CACNA1D: variants seen among roughly 807,000 people sequenced by gnomAD.
CACNA1D encodes voltage-dependent L-type calcium channel subunit alpha-1D.
In CACNA1D, 55 loss-of-function variants were observed where a neutral mutation model predicts 257.1. That is an observed-to-expected ratio of 0.21 (90% CI 0.17 to 0.27). The LOEUF (loss-of-function observed/expected upper bound fraction) is 0.27. Among genes scored for constraint, CACNA1D ranks in the 10% least tolerant of loss-of-function variants. CACNA1D has a pLI of 1.00. For missense variants in CACNA1D, 1,876 were observed against 2,784.0 expected, an observed-to-expected ratio of 0.67 and a Z score of 7.34; for synonymous variants, 980 against 1,014.9, an observed-to-expected ratio of 0.97 and a Z score of 0.65.
At chr3:53,806,802 C>G (rs912459967) in intron 45 of CACNA1D, among the ~76,000 whole-genome samples, 2 of 152,172 alleles carry the variant, frequency 1.3e-5, no homozygotes, top group Non-Finnish European at 2.9e-5. Flanking sequence ...TGAACACATG[C>G]AGCTAAATGA....
In CACNA1D at chr3:53,774,513, GT is replaced by G; in HGVS notation, c.4111-72del. 2 of 901,622 alleles carry G rather than the reference GT, an allele frequency of 2.2e-6. No individual in the cohort carries two copies. Among genetic ancestry groups the G allele is most frequent in the Non-Finnish European group, 3.8e-6 (2 of 532,256 alleles). The allele number at this position is 901,622 out of a possible 1,614,324, so 55.9% of individuals were successfully genotyped here. On this transcript the variant is annotated intron_variant, in intron 33 of 47. Transcript: ENST00000350061. The surrounding 1 kb of genome is among the most constrained non-coding windows in gnomAD (Gnocchi z 4.3). ...GCTGGTAAAGATCAAACCTGAGTTA[GT>G]TCTAAATTCACATACGGATTTTTTT...
At chr3:53,683,311 T>C (rs1290953866) in intron 8 of CACNA1D, among the ~76,000 whole-genome samples, 1 of 152,150 alleles carries the variant, frequency 6.6e-6, no homozygotes, top group Admixed American at 6.5e-5. Flanking sequence ...ATTGAATACA[T>C]TGGGTACTGA....
At chr3:53,546,963 A>G (rs926916604) in intron 3 of CACNA1D, among the ~76,000 whole-genome samples, 1 of 152,230 alleles carries the variant, frequency 6.6e-6, no homozygotes, top group African/African-American at 2.4e-5. Context: ...GTATTATTAC[A>G]TACTATACTT....
chr3:53,573,413 C>G (rs979844209), intron 3 of CACNA1D, among the ~76,000 whole-genome samples: 1 of 152,176 alleles, frequency 6.6e-6, no homozygotes, highest in African/African-American at 2.4e-5. Flanking sequence ...GCTCGGCCTT[C>G]TTTTAAGAAC....
intron 5 of CACNA1D, among the ~76,000 whole-genome samples, chr3:53,663,273 C>A (rs947570909): frequency 6.6e-6 from 1 of 152,206 alleles, no homozygotes; most frequent in Admixed American, 6.5e-5. Context: ...CAGCTTCTTG[C>A]ATTCTTTCTT....
chr3:53,715,073 GA>G (rs992178202), intron 9 of CACNA1D, among the ~76,000 whole-genome samples: 8 of 152,104 alleles, frequency 5.3e-5, no homozygotes, highest in African/African-American at 1.4e-4. Context: ...AAATATTTTG[GA>G]AAAGGATCCT....
chr3:53,564,103 T>C (rs1243024502), intron 3 of CACNA1D, among the ~76,000 whole-genome samples: 1 of 152,242 alleles, frequency 6.6e-6, no homozygotes, highest in Non-Finnish European at 1.5e-5. Context: ...TCTTTTAATA[T>C]AGCCATTTAG....
intron 9 of CACNA1D, among the ~76,000 whole-genome samples, chr3:53,716,975 C>G (rs1043946379): frequency 1.3e-5 from 2 of 152,224 alleles, no homozygotes; most frequent in Admixed American, 6.5e-5. Flanking sequence ...CTGCCTGATC[C>G]AGCTCCTTTC....
intron 3 of CACNA1D, among the ~76,000 whole-genome samples, chr3:53,642,848 A>G (rs1284089597): frequency 6.6e-6 from 1 of 152,230 alleles, no homozygotes; most frequent in Non-Finnish European, 1.5e-5. Flanking sequence ...GTCTGCATCC[A>G]CAGGGAGAAG....
At chr3:53,690,328 G>C (rs1044590993) in intron 8 of CACNA1D, among the ~76,000 whole-genome samples, 2 of 152,184 alleles carry the variant, frequency 1.3e-5, no homozygotes, top group Non-Finnish European at 2.9e-5. Flanking sequence ...TTCTCTTCCT[G>C]AAATTAATTA....
chr3:53,573,204 T>A (rs1369692740), intron 3 of CACNA1D, among the ~76,000 whole-genome samples: 2 of 152,224 alleles, frequency 1.3e-5, no homozygotes, highest in East Asian at 3.8e-4. Context: ...CATTTATGAT[T>A]GTTTATTAAT....
intron 3 of CACNA1D, among the ~76,000 whole-genome samples, chr3:53,633,753 C>G (rs2093849481): frequency 6.6e-6 from 1 of 152,164 alleles, no homozygotes; most frequent in African/African-American, 2.4e-5. Flanking sequence ...GTAATCCTGT[C>G]CCATATCTGT....
rs116092452 is a variant in CACNA1D at position 53,796,095 on chromosome 3, A to G, written c.4924-4154A>G. On this transcript the variant is annotated intron_variant, in intron 40 of 47. Coordinates refer to ENST00000350061, the MANE Select transcript of CACNA1D (RefSeq NM_001128840.3). Reference sequence around the variant, plus strand: ...TGAGGAGGCGGACGGCAGCTTGCAGATGAGCAGGTTTATTCCATAAGAACT... The same window carrying G: ...TGAGGAGGCGGACGGCAGCTTGCAGGTGAGCAGGTTTATTCCATAAGAACT... 3.7e-3 allele frequency: 963 copies of G among 259,524 alleles called. 9 individuals are homozygous for G. The highest frequency in any genetic ancestry group is 0.019 in the African/African-American group (885 of 45,722). The allele number at this position is 259,524 out of a possible 1,614,324, so 16.1% of individuals were successfully genotyped here.
At chr3:53,712,793 A>G in intron 9 of CACNA1D, among the ~76,000 whole-genome samples, 1 of 152,102 alleles carries the variant, frequency 6.6e-6, no homozygotes, top group Non-Finnish European at 1.5e-5. Context: ...CTGAGTGTGC[A>G]AAAAAGTCTG....
intron 21 of CACNA1D, among the ~76,000 whole-genome samples, chr3:53,741,934 A>G (rs2095122014): frequency 1.3e-5 from 2 of 152,190 alleles, no homozygotes; most frequent in Non-Finnish European, 2.9e-5. Flanking sequence ...AATGATTGTT[A>G]CTTTTTAATT....
At chr3:53,750,020 G>C (rs2095212116) in intron 27 of CACNA1D, among the ~76,000 whole-genome samples, 2 of 152,208 alleles carry the variant, frequency 1.3e-5, no homozygotes, top group Admixed American at 6.5e-5. Flanking sequence ...GTGTCCTTTG[G>C]GGGGCAAAGC....
At chr3:53,540,164 G>T (rs888022428) in intron 3 of CACNA1D, among the ~76,000 whole-genome samples, 1 of 151,802 alleles carries the variant, frequency 6.6e-6, no homozygotes, top group Non-Finnish European at 1.5e-5. Context: ...TGTCACCCAG[G>T]CTAGAGTGCA....
At chr3:53,783,865 G>A (rs116510597) in intron 39 of CACNA1D, among the ~76,000 whole-genome samples, 1,625 of 152,260 alleles carry the variant, frequency 0.011, 33 homozygotes, top group African/African-American at 0.036. Context: ...TGAGGCTGAG[G>A]GCCTCAGCAT....
At chr3:53,585,727 G>A (rs890854529) in intron 3 of CACNA1D, among the ~76,000 whole-genome samples, 2 of 152,144 alleles carry the variant, frequency 1.3e-5, no homozygotes, top group Non-Finnish European at 2.9e-5. Context: ...CACCTGGGGA[G>A]GGGCTATTGG....
Sources: gnomAD v4.1 joint callset for allele counts (sites outside exome capture counted in the v4.1 genomes callset) on GRCh38, gnomAD v4.1.1 for gene constraint, Gnocchi (gnomAD v3.1) non-coding constraint, MANE v1.5 for transcripts, NCBI Gene and HGNC (gene_info 2026-07-23, HGNC 2026-07-21) for gene names.